Variants in MTCH2 observed in about 807,000 individuals in gnomAD.
MTCH2 encodes the protein mitochondrial carrier homolog 2.
MTCH2 carries 25 observed loss-of-function variants against 50.6 expected under a neutral mutation model. The observed-to-expected ratio is 0.49, with a 90% CI of 0.36 to 0.69. The LOEUF is 0.69. Among genes scored for constraint, MTCH2 ranks in the 30% least tolerant of loss-of-function variants. MTCH2 has a pLI of 0.00. For missense variants in MTCH2, 273 were observed against 384.4 expected (o/e 0.71, Z 2.42); for synonymous variants, 106 against 132.0 (o/e 0.80, Z 1.35).
intron 1 of MTCH2, 140 bp from the exon 2 acceptor site, chr11:47,639,191 T>G (rs901769580): frequency 4.3e-6 from 3 of 698,164 alleles, no homozygotes; most frequent in Admixed American, 6.2e-5. Context: ...AAGGCAATGA[T>G]GAAGCATCAT....
intron 3 of MTCH2, among the ~76,000 whole-genome samples, chr11:47,635,982 G>A (rs923584070): frequency 3.3e-5 from 5 of 151,980 alleles, no homozygotes; most frequent in Non-Finnish European, 4.4e-5. Flanking sequence ...ACAAAAATTA[G>A]CGGAGCATTG....
At chr11:47,641,478 C>T (rs906292738) in intron 1 of MTCH2, among the ~76,000 whole-genome samples, 11 of 152,252 alleles carry the variant, frequency 7.2e-5, no homozygotes, top group Admixed American at 3.3e-4. Context: ...GTTCTAAAAA[C>T]TGTTCCATTC....
chr11:47,635,064 T>C (rs1190676801), intron 4 of MTCH2, among the ~76,000 whole-genome samples: 1 of 151,908 alleles, frequency 6.6e-6, no homozygotes, highest in Admixed American at 6.6e-5. Context: ...TGAGCCACCA[T>C]GGGCGGCCGA....
chr11:47,605,747 C>G, the MTCH2 span, among the ~76,000 whole-genome samples: 1 of 152,178 alleles, frequency 6.6e-6, no homozygotes, highest in Non-Finnish European at 1.5e-5. Flanking sequence ...TTCCTACTAG[C>G]CTCTTCAATC....
At chr11:47,640,817 A>C (rs1023276765) in intron 1 of MTCH2, among the ~76,000 whole-genome samples, 3 of 152,186 alleles carry the variant, frequency 2.0e-5, no homozygotes, top group African/African-American at 7.2e-5. Flanking sequence ...AAGAATATTC[A>C]AAGTTTTTGG....
chr11:47,625,641 C>T (rs1565965691), intron 11 of MTCH2, 33 bp downstream of exon 11: 1 of 1,213,452 alleles, frequency 8.2e-7, no homozygotes, highest in Admixed American at 3.0e-5. Context: ...TACAGTCAAC[C>T]ACCTACTAGA....
chr11:47,641,997 T>G (rs192743426), intron 1 of MTCH2, among the ~76,000 whole-genome samples: 1 of 152,166 alleles, frequency 6.6e-6, no homozygotes, highest in African/African-American at 2.4e-5. Context: ...GTCTGAGATT[T>G]TGGGGGGAGT....
chr11:47,605,433 T>A, the MTCH2 span, among the ~76,000 whole-genome samples: 1 of 152,126 alleles, frequency 6.6e-6, no homozygotes, highest in African/African-American at 2.4e-5. Flanking sequence ...TTTTTTTTTT[T>A]AATCTAAATG....
intron 8 of MTCH2, 45 bp from the exon 9 acceptor site, chr11:47,629,091 G>C (rs751203788): frequency 6.9e-7 from 1 of 1,459,610 alleles, no homozygotes; most frequent in African/African-American, 1.4e-5. Flanking sequence ...AATGTGATCA[G>C]TAACATGACA....
chr11:47,610,647 G>A, the MTCH2 span, among the ~76,000 whole-genome samples: 4 of 152,216 alleles, frequency 2.6e-5, no homozygotes, highest in Non-Finnish European at 4.4e-5. Context: ...AGAGGTTGCA[G>A]TGAGCCGAGA....
downstream of MTCH2, among the ~76,000 whole-genome samples, chr11:47,615,575 A>C (rs767836395): frequency 3.6e-4 from 55 of 151,904 alleles, no homozygotes; most frequent in Non-Finnish European, 7.1e-4. Context: ...AGGTATGCTG[A>C]GGTAACAGAG....
chr11:47,634,781 T>TC (rs2097306976), intron 4 of MTCH2, 47 bp from the exon 5 acceptor site: 1 of 1,432,532 alleles, frequency 7.0e-7, no homozygotes, highest in Admixed American at 2.0e-5. Context: ...TTTTTTTTTT[T>TC]TTTTTTTTTG....
downstream of MTCH2, among the ~76,000 whole-genome samples, chr11:47,614,090 C>CAAAT (rs2097286987): frequency 6.6e-6 from 1 of 151,730 alleles, no homozygotes; most frequent in South Asian, 2.1e-4. Context: ...AACAAACAAA[C>CAAAT]AAACAAACAC....
chr11:47,624,033 C>T (rs2097295705), intron 11 of MTCH2, among the ~76,000 whole-genome samples: 1 of 152,018 alleles, frequency 6.6e-6, no homozygotes, highest in Non-Finnish European at 1.5e-5. Context: ...GCCTGAGCAA[C>T]AGAGCAAGAC....
At chr11:47,633,653 C>A (rs1189125967) in intron 5 of MTCH2, among the ~76,000 whole-genome samples, 1 of 149,824 alleles carries the variant, frequency 6.7e-6, no homozygotes, top group Non-Finnish European at 1.5e-5. Flanking sequence ...TCTCCTGCCT[C>A]AGCCCCCCAA....
rs76225881 is a variant in MTCH2 at position 47,639,331 on chromosome 11, G to A, written c.88-280C>T. Among the ~76,000 whole-genome samples, 719 of 152,298 alleles carry A rather than the reference G, an allele frequency of 4.7e-3. 3 individuals carry two copies. Among genetic ancestry groups the A allele is most frequent in the African/African-American group, 0.016 (657 of 41,564 alleles). ...ATCAAACTGAAAGAAGGGAACTTTT[G>A]CGTTAGGAAAGCTACAGTTTACTAA... On this transcript the variant is annotated intron_variant, in intron 1 of 12. Transcript: ENST00000302503.
the MTCH2 span, among the ~76,000 whole-genome samples, chr11:47,612,150 A>C: frequency 3.3e-5 from 5 of 152,230 alleles, no homozygotes; most frequent in Non-Finnish European, 7.3e-5. Context: ...ATAGTGGCTT[A>C]CACCAGTAAT....
intron 10 of MTCH2, 128 bp from the exon 11 acceptor site, chr11:47,625,869 T>G: frequency 1.6e-6 from 1 of 619,386 alleles, no homozygotes; most frequent in South Asian, 2.2e-5. Flanking sequence ...ATCGGTACCC[T>G]GGAAAGACAA....
At chr11:47,604,992 G>A in the MTCH2 span, among the ~76,000 whole-genome samples, 1 of 151,596 alleles carries the variant, frequency 6.6e-6, no homozygotes, top group Non-Finnish European at 1.5e-5. Context: ...GTGCAGTGGC[G>A]AGATCTTGGC....
Sources: gnomAD v4.1 joint callset for allele counts (sites outside exome capture counted in the v4.1 genomes callset) on GRCh38, gnomAD v4.1.1 for gene constraint, MANE v1.5 for transcripts, NCBI Gene and HGNC (gene_info 2026-07-23, HGNC 2026-07-21) for gene names.